TFEC: variants seen among roughly 807,000 people sequenced by gnomAD.
The protein encoded by TFEC is transcription factor EC.
TFEC carries 31 observed loss-of-function variants against 41.6 expected under a neutral mutation model. The observed-to-expected ratio is 0.74, with a 90% CI of 0.56 to 1.01. The LOEUF is 1.01. Among genes scored for constraint, TFEC ranks in the 50% least tolerant of loss-of-function variants. TFEC has a pLI of 0.00. For synonymous variants in TFEC, 143 were observed against 140.6 expected (o/e 1.02, Z -0.12); for missense variants, 402 against 404.1 (o/e 0.99, Z 0.04).
At chr7:115,982,350 T>G (rs1451055027) in intron 2 of TFEC, among the ~76,000 whole-genome samples, 1 of 152,190 alleles carries the variant, frequency 6.6e-6, no homozygotes, top group Non-Finnish European at 1.5e-5. Context: ...AATTAAGGAC[T>G]GAAACCACAC....
At chr7:116,106,860 T>C (rs530401175) in intron 3 of TFEC, among the ~76,000 whole-genome samples, 14 of 152,368 alleles carry the variant, frequency 9.2e-5, no homozygotes, top group African/African-American at 3.1e-4. Flanking sequence ...TCTGTTTACA[T>C]ATCACTTTTG....
intron 3 of TFEC, among the ~76,000 whole-genome samples, chr7:116,055,359 TTAC>T (rs1270580981): frequency 6.6e-6 from 1 of 152,088 alleles, no homozygotes; most frequent in Non-Finnish European, 1.5e-5. Context: ...CAAAATGCTA[TTAC>T]TATTTATTGA....
intron 6 of TFEC, among the ~76,000 whole-genome samples, chr7:115,942,811 G>A (rs1267888355): frequency 6.6e-6 from 1 of 151,990 alleles, no homozygotes; most frequent in Non-Finnish European, 1.5e-5. Context: ...AGAGGCTACT[G>A]ATTTTGATAT....
intron 3 of TFEC, among the ~76,000 whole-genome samples, chr7:116,067,675 TCTA>T (rs1204531426): frequency 6.6e-6 from 1 of 152,002 alleles, no homozygotes; most frequent in African/African-American, 2.4e-5. Flanking sequence ...TTTATTGAGA[TCTA>T]CTATGTGAAA....
At chr7:116,012,182 G>C (rs942264241) in intron 1 of TFEC, among the ~76,000 whole-genome samples, 2 of 152,152 alleles carry the variant, frequency 1.3e-5, no homozygotes, top group African/African-American at 4.8e-5. Flanking sequence ...ACTTCAATTA[G>C]ATTCAGTAAA....
At chr7:116,036,559 A>G (rs1427865598) in intron 3 of TFEC, among the ~76,000 whole-genome samples, 1 of 152,060 alleles carries the variant, frequency 6.6e-6, no homozygotes, top group Non-Finnish European at 1.5e-5. Context: ...CTATGCCTTA[A>G]TGTTCTTTAC....
chr7:116,055,166 A>G (rs1297900350), intron 3 of TFEC, among the ~76,000 whole-genome samples: 4 of 152,164 alleles, frequency 2.6e-5, no homozygotes, highest in Non-Finnish European at 5.9e-5. Context: ...TAGCCTATGC[A>G]TTATCACAAA....
intron 3 of TFEC, among the ~76,000 whole-genome samples, chr7:116,069,161 T>C (rs1280663545): frequency 1.3e-5 from 2 of 151,578 alleles, no homozygotes; most frequent in Non-Finnish European, 3.0e-5. Context: ...AAGGCTGTGC[T>C]GATTCTTTGC....
intron 1 of TFEC, among the ~76,000 whole-genome samples, chr7:116,130,986 G>T (rs1188555811): frequency 1.3e-5 from 2 of 152,078 alleles, no homozygotes. Flanking sequence ...CTATAAAGTA[G>T]TATACACACA....
At chr7:115,947,086 A>G (rs1024592381) in intron 6 of TFEC, among the ~76,000 whole-genome samples, 3 of 100,278 alleles carry the variant, frequency 3.0e-5, no homozygotes, top group African/African-American at 1.2e-4. Context: ...CCACCCCACA[A>G]CAGTCCCCAG....
At chr7:115,953,146 C>A (rs1792036659) in intron 5 of TFEC, among the ~76,000 whole-genome samples, 1 of 134,932 alleles carries the variant, frequency 7.4e-6, no homozygotes, top group African/African-American at 2.5e-5. Flanking sequence ...ACTTGTAGCA[C>A]AGAATGGAAT....
intron 1 of TFEC, among the ~76,000 whole-genome samples, chr7:115,999,969 C>T (rs1249331031): frequency 2.6e-5 from 4 of 151,834 alleles, no homozygotes; most frequent in African/African-American, 9.7e-5. Flanking sequence ...ACCCATTCTA[C>T]AAGGTCAGTA....
At chr7:116,060,114 A>G (rs1351997779) in intron 3 of TFEC, among the ~76,000 whole-genome samples, 1 of 152,104 alleles carries the variant, frequency 6.6e-6, no homozygotes, top group East Asian at 1.9e-4. Flanking sequence ...AAATTTAACA[A>G]GGTTTCAGGA....
At chr7:115,941,614 T>C in intron 7 of TFEC, 1 of 384,658 alleles carries the variant, frequency 2.6e-6, no homozygotes, top group Non-Finnish European at 4.6e-6. Flanking sequence ...ATTATATATG[T>C]GTATATATAT....
chr7:115,951,362 A>G (rs969181648), intron 5 of TFEC, among the ~76,000 whole-genome samples: 3 of 152,074 alleles, frequency 2.0e-5, no homozygotes, highest in African/African-American at 7.2e-5. Flanking sequence ...TCAAAGCCTA[A>G]CGCAATGTTT....
chr7:116,139,153 A>T (rs1282374880), intron 1 of TFEC, among the ~76,000 whole-genome samples: 5 of 152,240 alleles, frequency 3.3e-5, no homozygotes, highest in Non-Finnish European at 5.9e-5. Context: ...AAATGGAAGC[A>T]CTCAGGCAGC....
At chr7:116,075,277 C>T (rs1248819275) in intron 3 of TFEC, among the ~76,000 whole-genome samples, 1 of 152,130 alleles carries the variant, frequency 6.6e-6, no homozygotes, top group Non-Finnish European at 1.5e-5. Context: ...GGTGGCAGGA[C>T]TAGCTTGCAG....
intron 3 of TFEC, among the ~76,000 whole-genome samples, chr7:116,109,357 G>C (rs938263806): frequency 6.6e-6 from 1 of 152,028 alleles, no homozygotes; most frequent in Non-Finnish European, 1.5e-5. Flanking sequence ...AATCTACAAA[G>C]AACTCAAACA....
At chr7:115,971,366 AAT>A (rs993587287) in intron 3 of TFEC, among the ~76,000 whole-genome samples, 5 of 151,736 alleles carry the variant, frequency 3.3e-5, no homozygotes, top group African/African-American at 4.8e-5. Flanking sequence ...TGGCTTATAA[AAT>A]AAAGAAAAAA....
Sources: gnomAD v4.1 joint callset for allele counts (sites outside exome capture counted in the v4.1 genomes callset) on GRCh38, gnomAD v4.1.1 for gene constraint, MANE v1.5 for transcripts, NCBI Gene and HGNC (gene_info 2026-07-23, HGNC 2026-07-21) for gene names.